ZC3H12B: variants seen among roughly 807,000 people sequenced by gnomAD.
ZC3H12B encodes probable ribonuclease ZC3H12B.
A neutral mutation model predicts 43.9 loss-of-function variants in ZC3H12B; 7 were observed. The observed-to-expected ratio is 0.16, with a 90% CI of 0.09 to 0.30. The LOEUF (loss-of-function observed/expected upper bound fraction) is 0.30, where lower values mean the gene tolerates loss of function less well. Among genes scored for constraint, ZC3H12B ranks in the 10% least tolerant of loss-of-function variants. The pLI is 1.00. For missense variants in ZC3H12B, 475 were observed against 670.2 expected, an observed-to-expected ratio of 0.71 and a Z score of 3.22; for synonymous variants, 222 against 241.7, an observed-to-expected ratio of 0.92 and a Z score of 0.76.
the ZC3H12B span, among the ~76,000 whole-genome samples, chrX:65,340,267 T>C: frequency 8.9e-6 from 1 of 112,214 alleles, no homozygotes; most frequent in Non-Finnish European, 1.9e-5. Context: ...CCTGATTACT[T>C]GAGCCATGCT....
intron 2 of ZC3H12B, among the ~76,000 whole-genome samples, chrX:65,389,078 G>A (rs772521993): frequency 8.0e-5 from 9 of 112,241 alleles, no homozygotes; most frequent in Non-Finnish European, 1.1e-4. Flanking sequence ...AGGCTACTTG[G>A]GGTTCAGGGA....
At chrX:65,408,413 G>C (rs2066862627) in intron 3 of ZC3H12B, 1 of 1,206,244 alleles carries the variant, frequency 8.3e-7, no homozygotes, top group African/African-American at 1.7e-5. Context: ...TGTCGAACGT[G>C]CCAAACAGGT....
chrX:65,134,221 G>A, the ZC3H12B span, among the ~76,000 whole-genome samples: 1 of 110,747 alleles, frequency 9.0e-6, no homozygotes, highest in Non-Finnish European at 1.9e-5. Flanking sequence ...GCCCTGGGCT[G>A]CAATGTGTGT....
the ZC3H12B span, among the ~76,000 whole-genome samples, chrX:65,244,353 T>C: frequency 9.0e-6 from 1 of 110,932 alleles, no homozygotes; most frequent in African/African-American, 3.3e-5. Flanking sequence ...TCGTGAGAAT[T>C]ACCGAAACAT....
the ZC3H12B span, among the ~76,000 whole-genome samples, chrX:65,343,174 A>G: frequency 2.7e-5 from 3 of 111,323 alleles, no homozygotes; most frequent in Non-Finnish European, 3.8e-5. Flanking sequence ...TCAGTAATAA[A>G]TGGCCTACAA....
At chrX:65,229,214 C>T in the ZC3H12B span, among the ~76,000 whole-genome samples, 2 of 110,832 alleles carry the variant, frequency 1.8e-5, no homozygotes, top group African/African-American at 6.6e-5. Context: ...CAACAGAGCC[C>T]TCAGAAATAA....
At chrX:65,272,172 C>A in the ZC3H12B span, 2 of 107,680 alleles carry the variant, frequency 1.9e-5, no homozygotes, top group Non-Finnish European at 3.8e-5. Context: ...CGAGATCCCG[C>A]CACTGCACTC....
At chrX:65,187,965 T>A in the ZC3H12B span, among the ~76,000 whole-genome samples, 1 of 111,396 alleles carries the variant, frequency 9.0e-6, no homozygotes, top group Non-Finnish European at 1.9e-5. Flanking sequence ...CCACTATCTT[T>A]CTCAGCCTTT....
intron 2 of ZC3H12B, among the ~76,000 whole-genome samples, chrX:65,379,364 C>T (rs922011869): frequency 9.1e-6 from 1 of 110,440 alleles, no homozygotes; most frequent in Admixed American, 9.6e-5. Flanking sequence ...CCTCACACGG[C>T]CGGGTACTCC....
the ZC3H12B span, among the ~76,000 whole-genome samples, chrX:65,310,895 G>T: frequency 8.9e-6 from 1 of 112,040 alleles, no homozygotes; most frequent in Non-Finnish European, 1.9e-5. Flanking sequence ...AAGAAATGGG[G>T]AAAGATTCCC....
the ZC3H12B span, among the ~76,000 whole-genome samples, chrX:65,303,467 G>T: frequency 2.7e-5 from 3 of 112,189 alleles, no homozygotes; most frequent in Non-Finnish European, 3.8e-5. Context: ...AGTAGATGCA[G>T]AAAATGCATT....
At chrX:65,207,375 ACT>A in the ZC3H12B span, among the ~76,000 whole-genome samples, 70 of 110,233 alleles carry the variant, frequency 6.4e-4, no homozygotes, top group Admixed American at 1.4e-3. Flanking sequence ...AAGTGAAGTA[ACT>A]CTGAAATGGA....
chrX:65,043,757 A>T, the ZC3H12B span, among the ~76,000 whole-genome samples: 1 of 112,132 alleles, frequency 8.9e-6, no homozygotes, highest in African/African-American at 3.2e-5. Flanking sequence ...ATTTTTTCAA[A>T]AATAAAATCT....
At chrX:65,317,793 C>T in the ZC3H12B span, among the ~76,000 whole-genome samples, 11 of 101,826 alleles carry the variant, frequency 1.1e-4, no homozygotes, top group African/African-American at 3.9e-4. Flanking sequence ...TATAAATATA[C>T]ACACACACAT....
chrX:65,450,517 ATG>A (rs374733748), intron 3 of ZC3H12B, among the ~76,000 whole-genome samples: 2 of 5 alleles, frequency 0.4, 1 homozygote, highest in African/African-American at 0.5. Flanking sequence ...ATGTATACAT[ATG>A]TGTATATATG....
chrX:65,237,314 A>AT, the ZC3H12B span, among the ~76,000 whole-genome samples: 1 of 110,724 alleles, frequency 9.0e-6, no homozygotes, highest in Non-Finnish European at 1.9e-5. Context: ...TAGGTAATTG[A>AT]TTTTTTTGTA....
the ZC3H12B span, among the ~76,000 whole-genome samples, chrX:65,051,772 C>T: frequency 9.1e-6 from 1 of 110,164 alleles, no homozygotes; most frequent in South Asian, 3.9e-4. Flanking sequence ...AATTTGGAGG[C>T]TAGGTTTTTT....
chrX:65,488,832 A>G (rs1334271092), exon 1 of ZC3H12B: 2 of 1,204,419 alleles, frequency 1.7e-6, no homozygotes, highest in Admixed American at 4.4e-5. Context: ...AGAGACACCA[A>G]AAATGGAGAA....
chrX:65,338,023 C>T, the ZC3H12B span, among the ~76,000 whole-genome samples: 3 of 112,202 alleles, frequency 2.7e-5, no homozygotes, highest in African/African-American at 9.7e-5. Flanking sequence ...ACCATTTACA[C>T]ATTCAAGGTT....
Sources: gnomAD v4.1 joint callset for allele counts (sites outside exome capture counted in the v4.1 genomes callset) on GRCh38, gnomAD v4.1.1 for gene constraint, MANE v1.5 for transcripts, NCBI Gene and HGNC (gene_info 2026-07-23, HGNC 2026-07-21) for gene names.